STK24: variants seen among roughly 807,000 people sequenced by gnomAD.
STK24 encodes the protein serine/threonine-protein kinase 24.
A neutral mutation model predicts 55.6 loss-of-function variants in STK24; 21 were observed. That is an observed-to-expected ratio of 0.38 (90% CI 0.27 to 0.54). STK24 has a LOEUF of 0.54. STK24 is among the 20% of genes least tolerant of loss of function. The probability of loss-of-function intolerance (pLI) is 0.79; values close to 1 mark genes in which losing one functional copy is unlikely to be tolerated. For synonymous variants in STK24, 200 were observed against 215.2 expected (o/e 0.93, Z 0.62); for missense variants, 383 against 538.4 (o/e 0.71, Z 2.86).
intron 2 of STK24, among the ~76,000 whole-genome samples, chr13:98,501,392 A>T (rs142768011): frequency 1.3e-5 from 2 of 152,242 alleles, no homozygotes. Flanking sequence ...GGGCAGGGGC[A>T]GCGAGAGAGA....
At chr13:98,533,834 C>G (rs979177531) in intron 1 of STK24, among the ~76,000 whole-genome samples, 2 of 152,006 alleles carry the variant, frequency 1.3e-5, no homozygotes, top group African/African-American at 4.8e-5. Flanking sequence ...TTTGAAGCTC[C>G]GCAAGGTCAC....
At chr13:98,559,789 C>A (rs1190532905) in intron 1 of STK24, among the ~76,000 whole-genome samples, 7 of 151,612 alleles carry the variant, frequency 4.6e-5, no homozygotes, top group African/African-American at 1.2e-4. Context: ...AGAGAAAAAG[C>A]AAATGAGTTC....
chr13:98,523,118 G>C (rs541753007), intron 1 of STK24, among the ~76,000 whole-genome samples: 2 of 152,190 alleles, frequency 1.3e-5, no homozygotes, highest in African/African-American at 4.8e-5. Flanking sequence ...CCCGGGGTGA[G>C]GGAGATGCTG....
At chr13:98,557,468 C>T (rs181282077) in intron 1 of STK24, among the ~76,000 whole-genome samples, 1 of 152,200 alleles carries the variant, frequency 6.6e-6, no homozygotes, top group South Asian at 2.1e-4. Context: ...AAGCCTGCCC[C>T]GCTCACCCCC....
chr13:98,567,248 A>C (rs1030482615), intron 1 of STK24, among the ~76,000 whole-genome samples: 2 of 152,216 alleles, frequency 1.3e-5, no homozygotes, highest in African/African-American at 4.8e-5. Context: ...ATCTGCTAAC[A>C]CATGGCCACT....
chr13:98,528,461 C>T (rs141494852), intron 1 of STK24, among the ~76,000 whole-genome samples: 1 of 152,142 alleles, frequency 6.6e-6, no homozygotes, highest in Non-Finnish European at 1.5e-5. Flanking sequence ...AGGAGAAAAC[C>T]CAAGTGCGAA....
intron 1 of STK24, among the ~76,000 whole-genome samples, chr13:98,550,330 G>C (rs1038640052): frequency 2.0e-5 from 3 of 152,174 alleles, no homozygotes; most frequent in Admixed American, 2.0e-4. Flanking sequence ...CGTGAGCCCA[G>C]GAGTTTGAGA....
Position 98,552,740 on chromosome 13 carries a change from C to T in STK24, c.42+24005G>A, listed in dbSNP as rs111701853. On this transcript the variant is annotated intron_variant, in intron 1 of 10. Transcript: ENST00000539966. ...TCTGCCACTCCAGAGAAACTGCCTTCGGTCTAGTCAGAAACCGAAGACGCC... is the reference window on the plus strand; with the variant it reads ...TCTGCCACTCCAGAGAAACTGCCTTTGGTCTAGTCAGAAACCGAAGACGCC... Among the ~76,000 whole-genome samples, 7 of 152,164 alleles carry T rather than the reference C, an allele frequency of 4.6e-5. 1 individual carries two copies. The highest frequency in any genetic ancestry group is 1.2e-4 in the African/African-American group (5 of 41,516).
intron 7 of STK24, 86 bp downstream of exon 7, chr13:98,463,605 C>A: frequency 2.3e-5 from 33 of 1,441,174 alleles, no homozygotes; most frequent in South Asian, 7.2e-5. Flanking sequence ...AAAAACTCAA[C>A]AGAAAACGAA....
At chr13:98,517,434 T>C (rs1379772493) in intron 2 of STK24, among the ~76,000 whole-genome samples, 1 of 152,144 alleles carries the variant, frequency 6.6e-6, no homozygotes, top group African/African-American at 2.4e-5. Flanking sequence ...GAGACCAGCC[T>C]GGACAACATG....
intron 1 of STK24, among the ~76,000 whole-genome samples, chr13:98,520,814 CA>C (rs1416650795): frequency 6.6e-6 from 1 of 152,248 alleles, no homozygotes; most frequent in African/African-American, 2.4e-5. Context: ...TCCACCATGG[CA>C]ACAACGCACA....
At chr13:98,558,340 AT>A (rs895919241) in intron 1 of STK24, among the ~76,000 whole-genome samples, 1 of 152,214 alleles carries the variant, frequency 6.6e-6, no homozygotes, top group Admixed American at 6.5e-5. Context: ...CAGCTGAGCA[AT>A]TTTGACAGGA....
intron 2 of STK24, among the ~76,000 whole-genome samples, chr13:98,491,128 C>T (rs1824192645): frequency 6.6e-6 from 1 of 152,156 alleles, no homozygotes; most frequent in Non-Finnish European, 1.5e-5. Flanking sequence ...TCACCACGTT[C>T]CCGTGAGCTG....
chr13:98,576,305 G>A (rs757994548), intron 1 of STK24: 186 of 847,820 alleles, frequency 2.2e-4, no homozygotes, highest in Non-Finnish European at 2.5e-4. Flanking sequence ...CTGCCCGGGG[G>A]TGGGGGACGA....
intron 2 of STK24, among the ~76,000 whole-genome samples, chr13:98,515,817 C>T (rs1466430031): frequency 2.6e-5 from 4 of 152,204 alleles, no homozygotes; most frequent in African/African-American, 9.6e-5. Flanking sequence ...CTTCTTTGTC[C>T]TGGCCTGCTA....
chr13:98,471,588 A>T (rs545901198), intron 5 of STK24, among the ~76,000 whole-genome samples: 6 of 152,340 alleles, frequency 3.9e-5, no homozygotes, highest in Non-Finnish European at 5.9e-5. Flanking sequence ...GGACTTAGTA[A>T]TGTCATGCTT....
intron 1 of STK24, among the ~76,000 whole-genome samples, chr13:98,531,727 G>A (rs941982120): frequency 1.3e-5 from 2 of 152,100 alleles, no homozygotes; most frequent in African/African-American, 4.8e-5. Flanking sequence ...CCCCTCACTC[G>A]ACCTTCACCC....
chr13:98,515,376 G>GGACAA (rs1463377290), intron 2 of STK24, among the ~76,000 whole-genome samples: 1 of 84,480 alleles, frequency 1.2e-5, no homozygotes, highest in Non-Finnish European at 3.0e-5. Context: ...ATAATGGCTG[G>GGACAA]GACATGGAGG....
intron 5 of STK24, among the ~76,000 whole-genome samples, chr13:98,472,926 T>C (rs1473556931): frequency 3.3e-5 from 5 of 152,150 alleles, no homozygotes; most frequent in Admixed American, 1.3e-4. Context: ...TAGAACGCCA[T>C]CCTGCCAGGG....
Sources: gnomAD v4.1 joint callset for allele counts (sites outside exome capture counted in the v4.1 genomes callset) on GRCh38, gnomAD v4.1.1 for gene constraint, MANE v1.5 for transcripts, NCBI Gene and HGNC (gene_info 2026-07-23, HGNC 2026-07-21) for gene names.